ANKRD13C: variants seen among roughly 807,000 people sequenced by gnomAD.
ANKRD13C encodes ankyrin repeat domain 13C, also known as ankyrin repeat domain-containing protein 13C.
A neutral mutation model predicts 65.5 loss-of-function variants in ANKRD13C; 16 were observed. The ratio of observed to expected loss-of-function variants is 0.24; its 90% CI spans 0.17 to 0.37. The LOEUF is 0.37. Ranked by LOEUF, ANKRD13C falls within the 10% of genes least tolerant of loss-of-function variation. The pLI is 1.00. For synonymous variants in ANKRD13C, 235 were observed against 238.7 expected (o/e 0.98, Z 0.14); for missense variants, 503 against 655.9 (o/e 0.77, Z 2.55).
chr1:70,352,146 C>T (rs1392021385), intron 1 of ANKRD13C, among the ~76,000 whole-genome samples: 6 of 151,628 alleles, frequency 4.0e-5, no homozygotes, highest in Admixed American at 2.0e-4. Flanking sequence ...GAGACCATCC[C>T]GGCTCACACA....
At position 70,328,524 on chromosome 1, in the gene ANKRD13C, G is replaced by T. The variant is rs561293834; in HGVS notation, c.473-3567C>A. Among the ~76,000 whole-genome samples the T allele has an allele frequency of 5.9e-5, 9 of 152,182 alleles. No individual in the cohort carries two copies. In the South Asian group the frequency reaches 1.9e-3, roughly 32 times the overall value. On this transcript the variant is annotated intron_variant, in intron 2 of 12. Coordinates refer to ENST00000370944, the MANE Select transcript of ANKRD13C (RefSeq NM_030816.5). ...CTAAAAATACACAAAGTAGCCAGGT[G>T]TGGTGGCACATGCCTGTAATCCCAG... is the stretch of plus-strand genomic sequence containing the variant.
At chr1:70,353,744 A>G (rs1682856285) in intron 1 of ANKRD13C, among the ~76,000 whole-genome samples, 1 of 152,234 alleles carries the variant, frequency 6.6e-6, no homozygotes, top group Non-Finnish European at 1.5e-5. Context: ...CAAACAAAAC[A>G]GCTTCTCACG....
chr1:70,297,801 T>C (rs1208947286), intron 7 of ANKRD13C, among the ~76,000 whole-genome samples: 2 of 149,812 alleles, frequency 1.3e-5, no homozygotes, highest in South Asian at 2.1e-4. Context: ...TAGTCCCAGC[T>C]ACTCGGGAGG....
At chr1:70,303,453 AG>A (rs1680461916) in intron 6 of ANKRD13C, among the ~76,000 whole-genome samples, 1 of 152,228 alleles carries the variant, frequency 6.6e-6, no homozygotes, top group Non-Finnish European at 1.5e-5. Flanking sequence ...AAGGAACTAA[AG>A]GCTTCACTTC....
At chr1:70,346,959 G>C (rs1682553227) in intron 1 of ANKRD13C, among the ~76,000 whole-genome samples, 1 of 151,930 alleles carries the variant, frequency 6.6e-6, no homozygotes, top group African/African-American at 2.4e-5. Flanking sequence ...GGGCGTGGTG[G>C]CGGGCGCCTG....
intron 1 of ANKRD13C, among the ~76,000 whole-genome samples, chr1:70,348,124 T>C (rs2101635243): frequency 6.6e-6 from 1 of 151,976 alleles, no homozygotes; most frequent in African/African-American, 2.4e-5. Context: ...ATCTATTACA[T>C]ATTATTCTTT....
chr1:70,309,757 A>G lies in ANKRD13C; in HGVS notation c.710-3467T>C, dbSNP rs981504500. Among the ~76,000 whole-genome samples the G allele has an allele frequency of 7.2e-4, 108 of 150,036 alleles. 1 individual carries two copies. The highest frequency in any genetic ancestry group is 2.5e-3 in the African/African-American group (103 of 41,184). On this transcript the variant is annotated intron_variant, in intron 5 of 12. Transcript: ENST00000370944. ...AAATAATAATAATAATAATATACAA[A>G]TAACAGTCTCAAATACAGGATGGAT... is the stretch of plus-strand genomic sequence containing the variant.
At chr1:70,340,209 A>T (rs572686438) in intron 1 of ANKRD13C, among the ~76,000 whole-genome samples, 1 of 152,176 alleles carries the variant, frequency 6.6e-6, no homozygotes, top group South Asian at 2.1e-4. Context: ...CTATTTTTCT[A>T]ATTTAATCAT....
intron 9 of ANKRD13C, among the ~76,000 whole-genome samples, chr1:70,284,443 A>T (rs1679533580): frequency 6.6e-6 from 1 of 152,144 alleles, no homozygotes; most frequent in Admixed American, 6.5e-5. Flanking sequence ...TTTTTACTAC[A>T]TTTACCAATA....
chr1:70,259,161 G>C lies in ANKRD13C; in HGVS notation c.*3556C>G, dbSNP rs1678318460. 6.6e-6 allele frequency among the ~76,000 whole-genome samples: 1 copy of C among 152,128 alleles called. No individual in the cohort carries two copies. Among genetic ancestry groups the C allele is most frequent in the Non-Finnish European group, 1.5e-5 (1 of 68,026 alleles). ...ATTAAGTGACACACAACTGTATTTAGAACATCCCAATTACTGTCATCCTTC... is the reference window on the plus strand; with the variant it reads ...ATTAAGTGACACACAACTGTATTTACAACATCCCAATTACTGTCATCCTTC... On this transcript the variant is annotated 3_prime_UTR_variant, in exon 13 of 13. Coordinates refer to ENST00000370944, the MANE Select transcript of ANKRD13C (RefSeq NM_030816.5).
At chr1:70,262,944 A>T in intron 12 of ANKRD13C, 97 bp from the exon 13 acceptor site, 99 of 176,032 alleles carry the variant, frequency 5.6e-4, no homozygotes, top group Middle Eastern at 2.9e-3. Context: ...CTTAAAATGT[A>T]AAAAAAAAAA....
At chr1:70,273,068 A>C (rs1441950031) in intron 11 of ANKRD13C, among the ~76,000 whole-genome samples, 2 of 152,048 alleles carry the variant, frequency 1.3e-5, no homozygotes, top group Non-Finnish European at 2.9e-5. Flanking sequence ...TGGGTCCTAG[A>C]TATGACAAAT....
chr1:70,284,792 G>A (rs957488634), intron 9 of ANKRD13C, among the ~76,000 whole-genome samples: 1 of 152,150 alleles, frequency 6.6e-6, no homozygotes, highest in Non-Finnish European at 1.5e-5. Flanking sequence ...CTTAGTACAA[G>A]GCCCATGCTA....
chr1:70,268,977 G>A (rs1260848062), intron 12 of ANKRD13C, among the ~76,000 whole-genome samples: 2 of 151,728 alleles, frequency 1.3e-5, no homozygotes, highest in African/African-American at 4.8e-5. Flanking sequence ...CCATGCTGGT[G>A]CGCTGCACCC....
intron 1 of ANKRD13C, among the ~76,000 whole-genome samples, chr1:70,337,324 G>GT (rs1682086581): frequency 6.6e-6 from 1 of 152,226 alleles, no homozygotes; most frequent in South Asian, 2.1e-4. Context: ...GCTCACGCCT[G>GT]TAATCCCAGC....
chr1:70,266,902 T>G (rs1678652257), intron 12 of ANKRD13C, among the ~76,000 whole-genome samples: 1 of 152,200 alleles, frequency 6.6e-6, no homozygotes, highest in African/African-American at 2.4e-5. Flanking sequence ...AATGTATGTG[T>G]ATTCTGCTGT....
chr1:70,339,812 TTTATTATTATTATTATTA>T (rs146940723), intron 1 of ANKRD13C, among the ~76,000 whole-genome samples: 3,624 of 133,870 alleles, frequency 0.027, 70 homozygotes, highest in East Asian at 0.052. Flanking sequence ...GATCAGTACG[TTTATTATTATTATTATTA>T]TTATTATTAT....
intron 9 of ANKRD13C, chr1:70,292,135 A>G (rs1679892405): frequency 1.7e-5 from 4 of 240,296 alleles, no homozygotes; most frequent in Non-Finnish European, 3.1e-5. Flanking sequence ...TAATAATAAC[A>G]TTAGGTTTCA....
At chr1:70,326,569 CTT>C (rs1681554731) in intron 2 of ANKRD13C, among the ~76,000 whole-genome samples, 1 of 152,004 alleles carries the variant, frequency 6.6e-6, no homozygotes, top group Non-Finnish European at 1.5e-5. Flanking sequence ...TAGCAGGGAA[CTT>C]TATCACAATA....
Sources: allele counts gnomAD v4.1 joint callset (sites outside exome capture counted in the v4.1 genomes callset), GRCh38; gene constraint gnomAD v4.1.1; transcripts MANE v1.5; gene names NCBI Gene and HGNC (gene_info 2026-07-23, HGNC 2026-07-21).